The following SDK1 variants were observed in gnomAD, a reference collection of about 807,000 sequenced individuals.
The protein encoded by SDK1 is sidekick cell adhesion molecule 1.
SDK1 carries 157 observed loss-of-function variants against 245.5 expected under a neutral mutation model. The observed-to-expected ratio is 0.64, with a 90% confidence interval of 0.56 to 0.73. The LOEUF is 0.73. SDK1 is among the 30% of genes least tolerant of loss of function. The pLI, the probability that SDK1 is intolerant of heterozygous loss-of-function variation, is 0.00. For synonymous variants in SDK1, 1,647 were observed against 1,278.5 expected (o/e 1.29, Z -6.15); for missense variants, 3,583 against 3,002.3 (o/e 1.19, Z -4.52).
At chr7:3,825,384 A>G (rs1025363481) in intron 5 of SDK1, among the ~76,000 whole-genome samples, 2 of 151,646 alleles carry the variant, frequency 1.3e-5, no homozygotes, top group Non-Finnish European at 2.9e-5. Context: ...TTAATCAGTC[A>G]TTGTTTATAC....
chr7:4,073,304 C>A (rs554960315), intron 20 of SDK1, among the ~76,000 whole-genome samples: 2 of 152,226 alleles, frequency 1.3e-5, no homozygotes, highest in African/African-American at 4.8e-5. Flanking sequence ...ACCACTCTGT[C>A]TGTGCTCACA....
At chr7:3,914,738 C>G (rs1259760203) in intron 5 of SDK1, among the ~76,000 whole-genome samples, 1 of 152,156 alleles carries the variant, frequency 6.6e-6, no homozygotes, top group Non-Finnish European at 1.5e-5. Context: ...TCCAGCAGAT[C>G]CCTGATGGCC....
chr7:3,867,367 G>A (rs1336014140), intron 5 of SDK1, among the ~76,000 whole-genome samples: 1 of 152,138 alleles, frequency 6.6e-6, no homozygotes, highest in African/African-American at 2.4e-5. Context: ...CAGCCCTTTT[G>A]ATTAAGCCAT....
chr7:4,062,765 G>A (rs1481770327), intron 19 of SDK1, among the ~76,000 whole-genome samples: 5 of 152,176 alleles, frequency 3.3e-5, no homozygotes, highest in African/African-American at 1.2e-4. Flanking sequence ...CCATGCTCAT[G>A]TGAGATTTAT....
chr7:4,111,833 T>C (rs1783370957), intron 23 of SDK1, among the ~76,000 whole-genome samples: 1 of 152,236 alleles, frequency 6.6e-6, no homozygotes, highest in African/African-American at 2.4e-5. Flanking sequence ...TAAATTGAAT[T>C]CAAATAATTG....
intron 1 of SDK1, among the ~76,000 whole-genome samples, chr7:3,482,046 TAAAG>T (rs1195928219): frequency 2.6e-5 from 4 of 151,970 alleles, no homozygotes; most frequent in Non-Finnish European, 5.9e-5. Context: ...AAACATCTAT[TAAAG>T]AAAAAAGGCA....
chr7:4,092,228 T>C (rs939313960), intron 22 of SDK1, among the ~76,000 whole-genome samples: 5 of 152,162 alleles, frequency 3.3e-5, no homozygotes, highest in South Asian at 4.1e-4. Flanking sequence ...TTGAGCAACT[T>C]TACGAATGCA....
In SDK1 at chr7:4,042,183, C is replaced by T. The variant is rs760077869; in HGVS notation, c.2603-7165C>T. ...CAAAAACTAACAGATATCCCTGTCT[C>T]TGGGTCCCTGTGTAACCTATCCGAG... On this transcript the variant is annotated intron_variant, in intron 17 of 44. Coordinates refer to ENST00000404826, the MANE Select transcript of SDK1 (RefSeq NM_152744.4). Among the ~76,000 whole-genome samples the T allele has an allele frequency of 6.6e-5, 9 of 136,314 alleles. 2 individuals are homozygous for T. The highest frequency in any genetic ancestry group is 1.0e-4 in the African/African-American group (3 of 29,728). 89.4% of individuals were successfully genotyped at this position (136,314 alleles called of 152,430 possible).
chr7:4,034,839 A>G (rs1483995498), intron 17 of SDK1, among the ~76,000 whole-genome samples: 1 of 152,264 alleles, frequency 6.6e-6, no homozygotes, highest in Non-Finnish European at 1.5e-5. Context: ...ATTATATATC[A>G]TAACAGAAAG....
intron 5 of SDK1, among the ~76,000 whole-genome samples, chr7:3,917,140 A>G (rs542429430): frequency 6.6e-6 from 1 of 152,364 alleles, no homozygotes; most frequent in Non-Finnish European, 1.5e-5. Context: ...AGTCTGTTTC[A>G]TGGAGCATAC....
At chr7:4,205,654 TC>T (rs1266564778) in intron 35 of SDK1, among the ~76,000 whole-genome samples, 1 of 152,234 alleles carries the variant, frequency 6.6e-6, no homozygotes, top group Admixed American at 6.5e-5. Context: ...TTTGTGGTCT[TC>T]CCTGGCATAA....
At chr7:3,529,199 A>G (rs985258881) in intron 1 of SDK1, among the ~76,000 whole-genome samples, 1 of 152,172 alleles carries the variant, frequency 6.6e-6, no homozygotes, top group African/African-American at 2.4e-5. Flanking sequence ...TATATAGGTG[A>G]TAATATAGAG....
intron 1 of SDK1, among the ~76,000 whole-genome samples, chr7:3,571,574 G>C (rs558163243): frequency 2.0e-5 from 3 of 152,158 alleles, no homozygotes; most frequent in Admixed American, 2.0e-4. Flanking sequence ...CAAAGTGTGA[G>C]ATTACAGGTG....
At chr7:3,898,274 C>T (rs1466868466) in intron 5 of SDK1, among the ~76,000 whole-genome samples, 1 of 152,170 alleles carries the variant, frequency 6.6e-6, no homozygotes, top group Non-Finnish European at 1.5e-5. Context: ...GAGTCGGGCA[C>T]AGTTGGGGTT....
At chr7:3,783,926 G>T (rs948515262) in intron 4 of SDK1, among the ~76,000 whole-genome samples, 4 of 152,074 alleles carry the variant, frequency 2.6e-5, no homozygotes, top group Admixed American at 2.6e-4. Context: ...AAAGCTGAAG[G>T]CATCACACTA....
intron 1 of SDK1, among the ~76,000 whole-genome samples, chr7:3,481,658 G>A (rs2128602253): frequency 6.6e-6 from 1 of 152,274 alleles, no homozygotes; most frequent in African/African-American, 2.4e-5. Context: ...GTGTCCCTTG[G>A]GAAAGGTCAC....
At chr7:3,810,757 CAT>C (rs2115046876) in intron 4 of SDK1, among the ~76,000 whole-genome samples, 1 of 152,274 alleles carries the variant, frequency 6.6e-6, no homozygotes, top group South Asian at 2.1e-4. Context: ...CACATAAACA[CAT>C]GTGGAGAAAA....
chr7:4,079,541 A>C lies in SDK1; in HGVS notation c.3281A>C (p.Tyr1094Ser). 6.2e-7 allele frequency: 1 copy of C among 1,614,232 alleles called. No homozygotes were observed. Among genetic ancestry groups the C allele is most frequent in the Non-Finnish European group, 8.5e-7 (1 of 1,180,040 alleles). ...GCCACCCTTCAGTTCCGGCCAGGCT[A>C]TGACGGGAAAACGTCCATCTCCAGG... ...RSATLQFRPG[Y>S]DGKTSISRWI... The change falls in exon 22 of 45, where the codon TAT (tyrosine) becomes TCT (serine). Residue 1094 changes from tyrosine (Y) to serine (S), a missense_variant. Transcript: ENST00000404826.
At chr7:3,665,233 G>T (rs974040308) in intron 4 of SDK1, among the ~76,000 whole-genome samples, 1 of 152,286 alleles carries the variant, frequency 6.6e-6, no homozygotes, top group East Asian at 1.9e-4. Flanking sequence ...ACGCAGAGCA[G>T]TCCACTATCA....
Sources: allele counts gnomAD v4.1 joint callset (sites outside exome capture counted in the v4.1 genomes callset), GRCh38; gene constraint gnomAD v4.1.1; transcripts MANE v1.5; gene names NCBI Gene and HGNC (gene_info 2026-07-23, HGNC 2026-07-21).